HMGCLL1: variants seen among roughly 807,000 people sequenced by gnomAD.
HMGCLL1 encodes the protein 3-hydroxymethyl-3-methylglutaryl-CoA lyase, cytoplasmic.
A neutral mutation model predicts 39.1 loss-of-function variants in HMGCLL1; 36 were observed. The ratio of observed to expected loss-of-function variants is 0.92; its 90% CI spans 0.71 to 1.22. The LOEUF is 1.22. Ranked by LOEUF, HMGCLL1 falls within the 50% of genes most tolerant of loss-of-function variation. The probability of loss-of-function intolerance (pLI) is 0.00; values close to 1 mark genes in which losing one functional copy is unlikely to be tolerated. For missense variants in HMGCLL1, 451 were observed against 416.5 expected (o/e 1.08, Z -0.72); for synonymous variants, 149 against 144.0 (o/e 1.03, Z -0.25).
chr6:55,668,143 T>G, the HMGCLL1 span, among the ~76,000 whole-genome samples: 4 of 151,876 alleles, frequency 2.6e-5, no homozygotes, highest in Non-Finnish European at 5.9e-5. Context: ...AGAAGGCATT[T>G]CGGGCTAAAA....
the HMGCLL1 span, among the ~76,000 whole-genome samples, chr6:55,621,086 G>A: frequency 2.0e-5 from 3 of 151,958 alleles, no homozygotes; most frequent in Non-Finnish European, 2.9e-5. Flanking sequence ...TTTTTGCTCA[G>A]GATGGCTTTT....
chr6:55,516,116 A>C (rs1243700866), intron 4 of HMGCLL1, among the ~76,000 whole-genome samples: 1 of 152,142 alleles, frequency 6.6e-6, no homozygotes, highest in Non-Finnish European at 1.5e-5. Flanking sequence ...TAACAGACAC[A>C]AAAAGCTGAT....
chr6:55,503,755 A>T (rs1011935261), intron 5 of HMGCLL1, among the ~76,000 whole-genome samples: 3 of 151,706 alleles, frequency 2.0e-5, no homozygotes, highest in African/African-American at 7.2e-5. Context: ...CCATTTAAAA[A>T]AATTACATAG....
At chr6:55,494,852 CA>C (rs1766493814) in intron 7 of HMGCLL1, among the ~76,000 whole-genome samples, 1 of 152,154 alleles carries the variant, frequency 6.6e-6, no homozygotes, top group Non-Finnish European at 1.5e-5. Flanking sequence ...GTATAATAAG[CA>C]ATTCATAATC....
At chr6:55,505,940 C>G (rs2127431166) in intron 5 of HMGCLL1, among the ~76,000 whole-genome samples, 1 of 151,830 alleles carries the variant, frequency 6.6e-6, no homozygotes, top group Admixed American at 6.6e-5. Flanking sequence ...TAGACATTTG[C>G]TTAAAATTTT....
Position 55,496,161 on chromosome 6 carries a change from C to T in HMGCLL1, c.607-554G>A, listed in dbSNP as rs906358560. Among the ~76,000 whole-genome samples, 2 of 151,572 alleles carry T rather than the reference C, an allele frequency of 1.3e-5. 1 individual carries two copies. Among genetic ancestry groups the T allele is most frequent in the Admixed American group, 1.3e-4 (2 of 15,216 alleles). ...AAAATAACTATATTAAATTTTTTTT[C>T]GGAGATTTTCAACAATTTGAAAAAA... On this transcript the variant is annotated intron_variant, in intron 6 of 8. Transcript: ENST00000274901.
intron 3 of HMGCLL1, among the ~76,000 whole-genome samples, chr6:55,519,314 A>G (rs1175224475): frequency 6.6e-6 from 1 of 152,154 alleles, no homozygotes; most frequent in African/African-American, 2.4e-5. Context: ...GGTAGAAAAA[A>G]AATGGTACTG....
the HMGCLL1 span, among the ~76,000 whole-genome samples, chr6:55,655,997 T>G: frequency 6.6e-6 from 1 of 151,974 alleles, no homozygotes; most frequent in African/African-American, 2.4e-5. Flanking sequence ...ATCTCATATA[T>G]TCTCTTGATT....
intron 7 of HMGCLL1, among the ~76,000 whole-genome samples, chr6:55,474,003 C>A (rs1026678241): frequency 7.3e-5 from 11 of 151,372 alleles, no homozygotes; most frequent in Non-Finnish European, 1.6e-4. Context: ...TCTATAGATA[C>A]GGTGTATTTT....
chr6:55,523,033 CTT>C (rs1284899543), intron 3 of HMGCLL1, among the ~76,000 whole-genome samples: 1 of 151,966 alleles, frequency 6.6e-6, no homozygotes, highest in Non-Finnish European at 1.5e-5. Context: ...GACCACCTCT[CTT>C]AGAACTAGAT....
chr6:55,622,394 C>T, the HMGCLL1 span, among the ~76,000 whole-genome samples: 1 of 152,066 alleles, frequency 6.6e-6, no homozygotes, highest in East Asian at 1.9e-4. Context: ...CAATATTATA[C>T]TAGCTGTCAG....
chr6:55,551,631 G>A (rs927469740), intron 1 of HMGCLL1, among the ~76,000 whole-genome samples: 2 of 151,956 alleles, frequency 1.3e-5, no homozygotes, highest in Non-Finnish European at 2.9e-5. Flanking sequence ...AAAAGATACA[G>A]GGGTGATGGC....
rs372364864 is a variant in HMGCLL1, at chr6:55,436,449, A to G, written c.922-686T>C. 2.2e-4 allele frequency among the ~76,000 whole-genome samples: 33 copies of G among 152,110 alleles called. No individual in the cohort carries two copies. In the East Asian group the frequency reaches 5.4e-3, roughly 25 times the overall value. ...GCAGCTGGGTATAAAGGGCAAGTTC[A>G]GGACATGCTCTTGGCTTTAGTGTAA... On this transcript the variant is annotated intron_variant, in intron 8 of 8. Coordinates refer to ENST00000274901, the MANE Select transcript of HMGCLL1 (RefSeq NM_001042406.2).
At chr6:55,642,363 T>G in the HMGCLL1 span, among the ~76,000 whole-genome samples, 3 of 151,978 alleles carry the variant, frequency 2.0e-5, no homozygotes, top group East Asian at 3.9e-4. Flanking sequence ...ATGCCGCACT[T>G]AATCAGAATT....
intron 7 of HMGCLL1, among the ~76,000 whole-genome samples, chr6:55,482,640 T>C (rs1765804377): frequency 6.6e-6 from 1 of 152,128 alleles, no homozygotes; most frequent in African/African-American, 2.4e-5. Context: ...CTGAAGCAAA[T>C]GTTTCCTTTA....
chr6:55,658,641 C>A, the HMGCLL1 span, among the ~76,000 whole-genome samples: 3 of 151,910 alleles, frequency 2.0e-5, no homozygotes, highest in East Asian at 1.9e-4. Context: ...TTTCAATAAT[C>A]TACCATAGGG....
At chr6:55,575,102 A>G (rs1391154000) in intron 1 of HMGCLL1, among the ~76,000 whole-genome samples, 2 of 152,072 alleles carry the variant, frequency 1.3e-5, no homozygotes, top group Admixed American at 6.6e-5. Context: ...CTTAAATTTA[A>G]TCAAAACTTT....
chr6:55,565,965 A>G (rs1477979808), intron 1 of HMGCLL1, among the ~76,000 whole-genome samples: 1 of 152,110 alleles, frequency 6.6e-6, no homozygotes, highest in East Asian at 1.9e-4. Context: ...GCAAGGTTTG[A>G]ACTGTCTCAT....
chr6:55,442,443 G>A (rs2127382417), intron 7 of HMGCLL1, among the ~76,000 whole-genome samples: 1 of 152,142 alleles, frequency 6.6e-6, no homozygotes, highest in South Asian at 2.1e-4. Flanking sequence ...TTTGGCCATT[G>A]GGAGCTCTCT....
Sources: allele counts gnomAD v4.1 joint callset (sites outside exome capture counted in the v4.1 genomes callset), GRCh38; gene constraint gnomAD v4.1.1; transcripts MANE v1.5; gene names NCBI Gene and HGNC (gene_info 2026-07-23, HGNC 2026-07-21).